The following ARHGAP28 variants were observed in gnomAD, a reference collection of about 807,000 sequenced individuals.
ARHGAP28 encodes the protein Rho GTPase activating protein 28.
ARHGAP28 carries 56 observed loss-of-function variants against 90.7 expected under a neutral mutation model. That is an observed-to-expected ratio of 0.62 (90% CI 0.50 to 0.77). The LOEUF (loss-of-function observed/expected upper bound fraction) is 0.77, where lower values mean the gene tolerates loss of function less well. ARHGAP28 is among the 30% of genes least tolerant of loss of function. The pLI is 0.00. For missense variants in ARHGAP28, 869 were observed against 900.9 expected, an observed-to-expected ratio of 0.96 and a Z score of 0.45; for synonymous variants, 308 against 323.3, an observed-to-expected ratio of 0.95 and a Z score of 0.51.
At chr18:6,870,813 T>C in intron 7 of ARHGAP28, 81 bp downstream of exon 7, 1 of 1,453,320 alleles carries the variant, frequency 6.9e-7, no homozygotes, top group South Asian at 1.4e-5. Flanking sequence ...TTCTTTTTTT[T>C]TTTTGAGACG....
intron 1 of ARHGAP28, among the ~76,000 whole-genome samples, chr18:6,798,329 G>A (rs1029434611): frequency 1.3e-5 from 2 of 152,162 alleles, no homozygotes; most frequent in African/African-American, 2.4e-5. Flanking sequence ...AAGTAGCTGG[G>A]ATTACAAGCA....
chr18:6,765,666 A>G (rs1312590625), intron 1 of ARHGAP28, among the ~76,000 whole-genome samples: 1 of 152,022 alleles, frequency 6.6e-6, no homozygotes, highest in Non-Finnish European at 1.5e-5. Context: ...ACTTAATTTA[A>G]TGCTCTTCTT....
At chr18:6,808,633 C>T (rs1054562080) in intron 1 of ARHGAP28, among the ~76,000 whole-genome samples, 1 of 152,094 alleles carries the variant, frequency 6.6e-6, no homozygotes, top group Non-Finnish European at 1.5e-5. Context: ...GCAAATTTAG[C>T]CTTCTTAGTA....
At chr18:6,788,917 C>A (rs942751153) in intron 1 of ARHGAP28, 4 of 152,148 alleles carry the variant, frequency 2.6e-5, no homozygotes, top group African/African-American at 9.7e-5. Flanking sequence ...AACAGAGTAT[C>A]CACAACAGTG....
intron 1 of ARHGAP28, among the ~76,000 whole-genome samples, chr18:6,749,203 A>G (rs887798243): frequency 4.6e-5 from 7 of 152,228 alleles, no homozygotes; most frequent in South Asian, 2.1e-4. Flanking sequence ...TCAGTAGGCC[A>G]TAGTATACTA....
intron 1 of ARHGAP28, among the ~76,000 whole-genome samples, chr18:6,733,479 T>C (rs777743614): frequency 6.6e-6 from 1 of 152,158 alleles, no homozygotes; most frequent in Non-Finnish European, 1.5e-5. Context: ...TTGATTCTAA[T>C]AGAGTGTGAG....
At chr18:6,786,361 GCCAGTC>G (rs1043001915) in intron 1 of ARHGAP28, among the ~76,000 whole-genome samples, 3 of 151,846 alleles carry the variant, frequency 2.0e-5, no homozygotes, top group African/African-American at 7.3e-5. Flanking sequence ...TCCTAACTAT[GCCAGTC>G]CCAAAGGGAT....
At chr18:6,802,335 C>CTTTTTTTTTTTTTTT (rs35950139) in intron 1 of ARHGAP28, among the ~76,000 whole-genome samples, 1 of 52,754 alleles carries the variant, frequency 1.9e-5, no homozygotes, top group African/African-American at 7.5e-5. Flanking sequence ...TATGGTAGTT[C>CTTTTTTTTTTTTTTT]TTTTTTTTTT....
chr18:6,828,408 G>GGA (rs1374338117), intron 2 of ARHGAP28, among the ~76,000 whole-genome samples: 2 of 151,586 alleles, frequency 1.3e-5, no homozygotes, highest in East Asian at 3.9e-4. Flanking sequence ...AGAGGAGAGA[G>GGA]GAGAGAGCTC....
chr18:6,805,479 C>CTTTTTTTTT (rs756550297), intron 1 of ARHGAP28, among the ~76,000 whole-genome samples: 8 of 97,574 alleles, frequency 8.2e-5, no homozygotes, highest in Non-Finnish European at 1.2e-4. Context: ...TAACCTTTGC[C>CTTTTTTTTT]TTTTTTTTTT....
At chr18:6,736,638 T>C (rs2055930451) in intron 1 of ARHGAP28, among the ~76,000 whole-genome samples, 1 of 151,072 alleles carries the variant, frequency 6.6e-6, no homozygotes, top group Non-Finnish European at 1.5e-5. Flanking sequence ...TCCCAGCTAC[T>C]TGGGAGGCTG....
At chr18:6,897,738 T>G (rs1450776945) in intron 16 of ARHGAP28, 1 of 152,132 alleles carries the variant, frequency 6.6e-6, no homozygotes, top group Non-Finnish European at 1.5e-5. Context: ...GGAGACTAGA[T>G]TAGTTGCCAG....
intron 1 of ARHGAP28, among the ~76,000 whole-genome samples, chr18:6,745,716 G>A (rs1019500313): frequency 6.6e-6 from 1 of 152,198 alleles, no homozygotes; most frequent in South Asian, 2.1e-4. Flanking sequence ...ATCACAGCAT[G>A]TATGATTTGT....
chr18:6,894,638 C>T (rs1351273409), intron 14 of ARHGAP28, among the ~76,000 whole-genome samples, 197 bp from the exon 15 acceptor site: 2 of 152,208 alleles, frequency 1.3e-5, no homozygotes, highest in African/African-American at 4.8e-5. Context: ...CATCTATATA[C>T]ATCATTGTTC....
intron 1 of ARHGAP28, among the ~76,000 whole-genome samples, chr18:6,758,308 G>T (rs183891029): frequency 6.6e-6 from 1 of 152,144 alleles, no homozygotes; most frequent in East Asian, 1.9e-4. Flanking sequence ...GTTTAGGGCA[G>T]AGATTCTGCT....
intron 10 of ARHGAP28, among the ~76,000 whole-genome samples, chr18:6,881,395 A>C (rs1199225951): frequency 6.6e-6 from 1 of 152,228 alleles, no homozygotes; most frequent in East Asian, 1.9e-4. Context: ...TGTAGTTCAA[A>C]GGAGCAGTGA....
At position 6,866,892 on chromosome 18, in the gene ARHGAP28, A is replaced by G. The variant is rs143757656; in HGVS notation, c.727-1258A>G. ...AATTTTCAAAAGAGTCTTCTCTCCC[A>G]TAGGTAAGTTATTTCAAAGTCTGAC... On this transcript the variant is annotated intron_variant, in intron 5 of 17. Coordinates refer to ENST00000383472, the MANE Select transcript of ARHGAP28 (RefSeq NM_001366230.1). Among the ~76,000 whole-genome samples, 140 of 152,334 alleles carry G rather than the reference A, an allele frequency of 9.2e-4. 1 individual carries two copies. Among genetic ancestry groups the G allele is most frequent in the African/African-American group, 3.3e-3 (136 of 41,580 alleles).
At chr18:6,826,424 G>T (rs1364488216) in intron 2 of ARHGAP28, among the ~76,000 whole-genome samples, 3 of 149,538 alleles carry the variant, frequency 2.0e-5, no homozygotes, top group Non-Finnish European at 3.0e-5. Flanking sequence ...CCATACTCTT[G>T]GTTGTCTGTT....
intron 1 of ARHGAP28, among the ~76,000 whole-genome samples, chr18:6,792,859 G>C (rs2143567861): frequency 6.6e-6 from 1 of 152,252 alleles, no homozygotes; most frequent in East Asian, 1.9e-4. Context: ...GAATGTTGCT[G>C]TTCCTCTTAG....
Sources: gnomAD v4.1 joint callset for allele counts (sites outside exome capture counted in the v4.1 genomes callset) on GRCh38, gnomAD v4.1.1 for gene constraint, MANE v1.5 for transcripts, NCBI Gene and HGNC (gene_info 2026-07-23, HGNC 2026-07-21) for gene names.